Variants in FRMD5 observed in about 807,000 individuals in gnomAD.
The protein encoded by FRMD5 is FERM domain-containing protein 5.
In FRMD5, 20 loss-of-function variants were observed where a neutral mutation model predicts 69.0. The ratio of observed to expected loss-of-function variants is 0.29; its 90% CI spans 0.20 to 0.42. The LOEUF is 0.42. Ranked by LOEUF, FRMD5 falls within the 10% of genes least tolerant of loss-of-function variation. The pLI is 1.00. For synonymous variants in FRMD5, 271 were observed against 260.1 expected (o/e 1.04, Z -0.40); for missense variants, 595 against 708.6 (o/e 0.84, Z 1.82).
At chr15:44,024,474 T>C (rs1001311725) in intron 1 of FRMD5, among the ~76,000 whole-genome samples, 3 of 152,230 alleles carry the variant, frequency 2.0e-5, no homozygotes, top group African/African-American at 7.2e-5. Context: ...TCAGGCATTT[T>C]AATTTTTGCC....
At chr15:44,148,293 A>T (rs1315545268) in intron 1 of FRMD5, among the ~76,000 whole-genome samples, 1 of 150,552 alleles carries the variant, frequency 6.6e-6, no homozygotes, top group African/African-American at 2.4e-5. Context: ...TTTTTTTGAG[A>T]CGGAGTCTCG....
intron 13 of FRMD5, chr15:43,879,388 C>T (rs982294064): frequency 1.0e-5 from 4 of 397,598 alleles, no homozygotes; most frequent in African/African-American, 4.1e-5. Flanking sequence ...CTGTAAAAGC[C>T]ACCACCTGTC....
intron 1 of FRMD5, among the ~76,000 whole-genome samples, chr15:44,012,800 C>G (rs1039663358): frequency 3.2e-5 from 4 of 125,994 alleles, no homozygotes; most frequent in Non-Finnish European, 6.3e-5. Context: ...GAGTTTCGCT[C>G]TTGTTGCCCA....
At position 44,019,056 on chromosome 15, in the gene FRMD5, G is replaced by A. The variant is rs192931139; in HGVS notation, c.103-94747C>T. Among the ~76,000 whole-genome samples, 12 of 152,022 alleles carry A rather than the reference G, an allele frequency of 7.9e-5. No homozygotes were observed. The East Asian group carries it at 2.1e-3, about 27-fold the overall frequency. ...ACTATAGGCATACACCACTACATCC[G>A]GCTAATTTTTGTATTTTTAGTAGAG... On this transcript the variant is annotated intron_variant, in intron 1 of 13. Coordinates refer to ENST00000417257, the MANE Select transcript of FRMD5 (RefSeq NM_032892.5).
intron 1 of FRMD5, among the ~76,000 whole-genome samples, chr15:44,100,847 G>A (rs895109163): frequency 6.6e-6 from 1 of 152,070 alleles, no homozygotes; most frequent in Non-Finnish European, 1.5e-5. Flanking sequence ...AGTTCCTGCA[G>A]CTAGAAATAA....
chr15:43,965,875 C>T (rs546269604), intron 1 of FRMD5, among the ~76,000 whole-genome samples: 2 of 151,866 alleles, frequency 1.3e-5, no homozygotes, highest in Admixed American at 6.6e-5. Context: ...CCACCGCACC[C>T]GGCCTAAAAA....
At chr15:44,119,266 A>G (rs2076913203) in intron 1 of FRMD5, among the ~76,000 whole-genome samples, 1 of 152,012 alleles carries the variant, frequency 6.6e-6, no homozygotes, top group Admixed American at 6.6e-5. Flanking sequence ...GGCCACTAAT[A>G]TTTTTTAAAT....
At chr15:44,042,627 C>G (rs186972627) in intron 1 of FRMD5, among the ~76,000 whole-genome samples, 4 of 152,060 alleles carry the variant, frequency 2.6e-5, no homozygotes, top group Non-Finnish European at 5.9e-5. Context: ...GTTCAACATA[C>G]GCAAATCAAT....
chr15:43,974,338 A>G (rs888890911), intron 1 of FRMD5, among the ~76,000 whole-genome samples: 1 of 152,180 alleles, frequency 6.6e-6, no homozygotes, highest in African/African-American at 2.4e-5. Context: ...CTGAATGCCA[A>G]TATCTTTTAG....
chr15:43,883,112 C>CTT (rs1337334244), intron 13 of FRMD5, among the ~76,000 whole-genome samples: 159 of 142,816 alleles, frequency 1.1e-3, no homozygotes, highest in African/African-American at 3.8e-3. Flanking sequence ...TTAAAAAATT[C>CTT]TTTTTTTTTT....
At chr15:44,029,503 T>C (rs1403902167) in intron 1 of FRMD5, among the ~76,000 whole-genome samples, 2 of 152,224 alleles carry the variant, frequency 1.3e-5, no homozygotes, top group African/African-American at 4.8e-5. Context: ...ATTAAACCTA[T>C]AGGTATTCTA....
At chr15:43,894,416 G>A (rs775490468) in intron 7 of FRMD5, among the ~76,000 whole-genome samples, 12 of 152,116 alleles carry the variant, frequency 7.9e-5, no homozygotes, top group Non-Finnish European at 1.3e-4. Flanking sequence ...AGAAAATGTT[G>A]AGCAGATGAA....
chr15:44,116,852 C>T (rs1363208645), intron 1 of FRMD5, among the ~76,000 whole-genome samples: 4 of 151,960 alleles, frequency 2.6e-5, no homozygotes, highest in African/African-American at 7.3e-5. Context: ...GAGGCTGAGG[C>T]GGGCGGATCA....
chr15:43,874,398 G>A lies in FRMD5; in HGVS notation c.1200C>T (p.Thr400=). The A allele has an allele frequency of 1.2e-6, 2 of 1,614,192 alleles. No homozygotes were observed. Among genetic ancestry groups the A allele is most frequent in the Non-Finnish European group, 8.5e-7 (1 of 1,180,034 alleles). Residue 400 remains threonine, a synonymous_variant, in exon 14 of 14, where the codon ACC becomes ACT. Transcript: ENST00000417257. ...TPVRSTSHGD[T]FLPHVRSSRT... Reference sequence around the variant, plus strand: ...GGCTGCTTCTCACGTGAGGCAGGAAGGTGTCCCCATGGGAAGTGGAACGCA... The same window carrying A: ...GGCTGCTTCTCACGTGAGGCAGGAAAGTGTCCCCATGGGAAGTGGAACGCA...
intron 1 of FRMD5, among the ~76,000 whole-genome samples, chr15:43,999,973 T>TGC (rs1555392734): frequency 1.2e-4 from 7 of 56,588 alleles, no homozygotes; most frequent in African/African-American, 2.4e-4. Flanking sequence ...TATATATATA[T>TGC]ATATATATAT....
chr15:43,875,885 A>G, intron 13 of FRMD5: 1 of 781,822 alleles, frequency 1.3e-6, no homozygotes, highest in Middle Eastern at 2.5e-4. Context: ...TATGATATCC[A>G]AATTTTGTCT....
chr15:44,085,109 A>G (rs2140460676), intron 1 of FRMD5, among the ~76,000 whole-genome samples: 1 of 152,284 alleles, frequency 6.6e-6, no homozygotes, highest in Non-Finnish European at 1.5e-5. Context: ...TTATTTGGCA[A>G]TTGCAACAAT....
chr15:44,128,174 C>A (rs1173078381), intron 1 of FRMD5, among the ~76,000 whole-genome samples: 1 of 152,158 alleles, frequency 6.6e-6, no homozygotes, highest in Non-Finnish European at 1.5e-5. Flanking sequence ...CTATTTAGCA[C>A]TCATGAGTTA....
chr15:43,989,918 T>C, intron 1 of FRMD5: 3 of 1,146,226 alleles, frequency 2.6e-6, no homozygotes, highest in Non-Finnish European at 2.6e-6. Context: ...TTGTAGAAGG[T>C]GTGGTGCCAG....
Sources: allele counts gnomAD v4.1 joint callset (sites outside exome capture counted in the v4.1 genomes callset), GRCh38; gene constraint gnomAD v4.1.1; transcripts MANE v1.5; gene names NCBI Gene and HGNC (gene_info 2026-07-23, HGNC 2026-07-21).